The following FAR2 variants were observed in gnomAD, a reference collection of about 807,000 sequenced individuals.
The protein encoded by FAR2 is epididymis secretory protein Li 81.
Under a neutral mutation model 56.0 loss-of-function variants are expected in FAR2, and 19 were observed. That is an observed-to-expected ratio of 0.34 (90% CI 0.24 to 0.50). The LOEUF is 0.50. FAR2 is among the 20% of genes least tolerant of loss of function. FAR2 has a pLI of 0.98. For missense variants in FAR2, 508 were observed against 642.2 expected (o/e 0.79, Z 2.26); for synonymous variants, 219 against 218.8 (o/e 1.00, Z -0.01).
chr12:29,274,967 G>A (rs1035676578), intron 2 of FAR2, among the ~76,000 whole-genome samples: 1 of 68,110 alleles, frequency 1.5e-5, no homozygotes, highest in Non-Finnish European at 2.8e-5. Flanking sequence ...ATTTGGTGCC[G>A]TGACTCGGAT....
intron 1 of FAR2, among the ~76,000 whole-genome samples, chr12:29,200,970 G>C (rs4105125): frequency 0.74 from 112,179 of 152,078 alleles, 43,461 homozygotes; most frequent in East Asian, 0.91. Flanking sequence ...GAGAATATCT[G>C]TGTGTCAGTG....
intron 1 of FAR2, among the ~76,000 whole-genome samples, chr12:29,199,690 T>A (rs910914388): frequency 1.5e-5 from 1 of 67,654 alleles, no homozygotes; most frequent in Non-Finnish European, 4.7e-5. Context: ...ATTCACATAT[T>A]CACATAAAAG....
chr12:29,195,758 A>G (rs146171425), intron 1 of FAR2, among the ~76,000 whole-genome samples: 4 of 152,236 alleles, frequency 2.6e-5, no homozygotes, highest in African/African-American at 9.6e-5. Context: ...CAAGTATTAC[A>G]TGGATATATT....
intron 1 of FAR2, among the ~76,000 whole-genome samples, chr12:29,195,084 G>A (rs1950134276): frequency 6.6e-6 from 1 of 152,162 alleles, no homozygotes; most frequent in South Asian, 2.1e-4. Flanking sequence ...GGAAAGAGAA[G>A]CCCTATAAAT....
intron 1 of FAR2, among the ~76,000 whole-genome samples, chr12:29,236,507 T>G (rs1383591805): frequency 1.3e-5 from 2 of 152,120 alleles, no homozygotes; most frequent in Non-Finnish European, 2.9e-5. Flanking sequence ...GCACTTACAA[T>G]CATGGTGAAA....
chr12:29,156,686 G>T (rs1346916501), intron 1 of FAR2: 8 of 152,064 alleles, frequency 5.3e-5, no homozygotes, highest in African/African-American at 1.9e-4. Flanking sequence ...AATAGTGGTA[G>T]TTTAGGGGTG....
intron 1 of FAR2, among the ~76,000 whole-genome samples, chr12:29,264,837 T>C (rs984647786): frequency 2.0e-5 from 3 of 151,742 alleles, no homozygotes; most frequent in Admixed American, 1.3e-4. Flanking sequence ...AGTTGCAAGA[T>C]ACCAAGTCAA....
intron 1 of FAR2, among the ~76,000 whole-genome samples, chr12:29,202,861 A>G (rs1947433807): frequency 6.6e-6 from 1 of 152,208 alleles, no homozygotes; most frequent in Non-Finnish European, 1.5e-5. Flanking sequence ...CCGTGAGCCA[A>G]ATAAACCTCT....
At chr12:29,291,585 G>C (rs1315647657) in intron 2 of FAR2, 2 of 397,018 alleles carry the variant, frequency 5.0e-6, no homozygotes, top group Admixed American at 3.1e-5. Flanking sequence ...AGATTCCTGG[G>C]TGTGCCCTAG....
In FAR2 at chr12:29,262,554, C is replaced by T. The variant is rs535059183; in HGVS notation, c.-38-7858C>T. Among the ~76,000 whole-genome samples, 18 of 152,214 alleles carry T rather than the reference C, an allele frequency of 1.2e-4. No individual in the cohort carries two copies. The South Asian group carries it at 1.2e-3, about 11-fold the overall frequency. On this transcript the variant is annotated intron_variant, in intron 1 of 11. Coordinates refer to ENST00000536681, the MANE Select transcript of FAR2 (RefSeq NM_001271783.2). ...CTGAGACAAGAGAATCACTTGAACC[C>T]GGGAAGCAGAGGTTGTGGTGAGCCA...
chr12:29,167,600 T>C (rs1011408445), intron 1 of FAR2, among the ~76,000 whole-genome samples: 1 of 152,228 alleles, frequency 6.6e-6, no homozygotes, highest in African/African-American at 2.4e-5. Context: ...TATTCTTCAA[T>C]TGTTACGTCA....
At chr12:29,174,938 C>G (rs1165722289) in intron 1 of FAR2, among the ~76,000 whole-genome samples, 4 of 152,140 alleles carry the variant, frequency 2.6e-5, no homozygotes, top group Non-Finnish European at 5.9e-5. Context: ...CTCTGGTGAC[C>G]CTCGGCTCAG....
At chr12:29,212,659 C>T (rs1947565320) in intron 1 of FAR2, among the ~76,000 whole-genome samples, 1 of 152,220 alleles carries the variant, frequency 6.6e-6, no homozygotes. Context: ...CCAGCCAATA[C>T]TGCAAACTTG....
chr12:29,251,578 C>G (rs1047677507), intron 1 of FAR2, among the ~76,000 whole-genome samples: 1 of 152,130 alleles, frequency 6.6e-6, no homozygotes, highest in Non-Finnish European at 1.5e-5. Flanking sequence ...GGTCTTTTCT[C>G]TAGTTCCAGA....
chr12:29,292,880 A>T (rs991104204), intron 2 of FAR2, among the ~76,000 whole-genome samples: 5 of 152,112 alleles, frequency 3.3e-5, no homozygotes, highest in African/African-American at 1.2e-4. Context: ...AAGGTTGATA[A>T]AGTGTCCTGG....
At chr12:29,240,268 G>A (rs184314389) in intron 1 of FAR2, among the ~76,000 whole-genome samples, 1 of 152,254 alleles carries the variant, frequency 6.6e-6, no homozygotes, top group East Asian at 1.9e-4. Flanking sequence ...GGAAGTCAGA[G>A]CTTACACCTG....
intron 1 of FAR2, among the ~76,000 whole-genome samples, chr12:29,244,986 T>A (rs1948102283): frequency 6.9e-6 from 1 of 144,870 alleles, no homozygotes; most frequent in African/African-American, 2.5e-5. Context: ...CTGTCCGCAC[T>A]TTTTTTTTTT....
At chr12:29,304,617 A>T (rs6487805) in intron 4 of FAR2, among the ~76,000 whole-genome samples, 46,980 of 152,060 alleles carry the variant, frequency 0.31, 7,344 homozygotes, top group East Asian at 0.35. Flanking sequence ...CCTCTTGGTA[A>T]TTCATTCAGT....
rs530952184 is a variant in FAR2 at position 29,289,994 on chromosome 12, A to C, written c.190-3306A>C. Reference sequence around the variant, plus strand: ...CAAATCAAAACTACAATGAGATATTATTTCACCCCAGTTAAAATGGCTTAT... The same window carrying C: ...CAAATCAAAACTACAATGAGATATTCTTTCACCCCAGTTAAAATGGCTTAT... On this transcript the variant is annotated intron_variant, in intron 2 of 11. Transcript: ENST00000536681. Among the ~76,000 whole-genome samples, 3 of 152,330 alleles carry C rather than the reference A, an allele frequency of 2.0e-5. No individual in the cohort carries two copies. The South Asian group carries it at 6.2e-4, about 32-fold the overall frequency.
Sources: allele counts gnomAD v4.1 joint callset (sites outside exome capture counted in the v4.1 genomes callset), GRCh38; gene constraint gnomAD v4.1.1; transcripts MANE v1.5; gene names NCBI Gene and HGNC (gene_info 2026-07-23, HGNC 2026-07-21).